The following IKZF2 variants were observed in gnomAD, a reference collection of about 807,000 sequenced individuals.
IKZF2 encodes zinc finger protein Helios.
In IKZF2, 15 loss-of-function variants were observed where a neutral mutation model predicts 49.2. The observed-to-expected ratio is 0.30, with a 90% CI of 0.20 to 0.47. The LOEUF (loss-of-function observed/expected upper bound fraction) is 0.47, where lower values mean the gene tolerates loss of function less well. IKZF2 is among the 20% of genes least tolerant of loss of function. IKZF2 has a pLI of 1.00. For synonymous variants in IKZF2, 227 were observed against 221.4 expected (o/e 1.03, Z -0.23); for missense variants, 567 against 664.6 (o/e 0.85, Z 1.61).
intron 1 of IKZF2, 22 bp from the exon 2 acceptor site, chr2:213,150,269 A>G: frequency 2.0e-6 from 2 of 997,194 alleles, no homozygotes; most frequent in Non-Finnish European, 2.8e-6. Flanking sequence ...CGGAGGGAGA[A>G]AGAAAGAAGT....
Position 213,103,243 on chromosome 2 carries a change from A to C in IKZF2, c.139+44465T>G, listed in dbSNP as rs1041362355. 3.9e-5 allele frequency among the ~76,000 whole-genome samples: 6 copies of C among 152,166 alleles called. No homozygotes were observed. The South Asian group carries it at 6.2e-4, about 16-fold the overall frequency. On this transcript the variant is annotated intron_variant, in intron 4 of 8. Transcript: ENST00000434687. ...GGTAAACAATGATAAATTGTGATAA[A>C]TGATGATAGAGAGACCAACAGACAT... is the stretch of plus-strand genomic sequence containing the variant.
intron 4 of IKZF2, among the ~76,000 whole-genome samples, chr2:213,115,765 A>T (rs1574899022): frequency 6.6e-6 from 1 of 152,268 alleles, no homozygotes; most frequent in South Asian, 2.1e-4. Flanking sequence ...CAAAACCAAA[A>T]GACAATGGAA....
At chr2:213,008,933 CT>C (rs1160305666) in intron 8 of IKZF2, among the ~76,000 whole-genome samples, 7 of 152,042 alleles carry the variant, frequency 4.6e-5, no homozygotes, top group African/African-American at 1.4e-4. Context: ...TATTAAAATA[CT>C]TTTAAAAGTA....
chr2:213,040,747 T>C (rs1466037436), intron 6 of IKZF2, among the ~76,000 whole-genome samples: 1 of 152,194 alleles, frequency 6.6e-6, no homozygotes, highest in Non-Finnish European at 1.5e-5. Context: ...AGAACTATAA[T>C]CACCTATAAA....
At chr2:213,148,807 G>A (rs1047092097) in intron 2 of IKZF2, among the ~76,000 whole-genome samples, 163 bp from the exon 3 acceptor site, 4 of 152,168 alleles carry the variant, frequency 2.6e-5, no homozygotes, top group Admixed American at 2.6e-4. Context: ...GCAAGTCACT[G>A]AACTCTTTCT....
chr2:213,013,886 T>A lies in IKZF2; in HGVS notation c.761A>T (p.Asn254Ile). 6.2e-7 allele frequency: 1 copy of A among 1,612,004 alleles called. No individual in the cohort carries two copies. Among genetic ancestry groups the A allele is most frequent in the Non-Finnish European group, 8.5e-7 (1 of 1,178,434 alleles). ...CKEQEPIMDN[N>I]ISLVPFERPA... ...TCTCTCAAAAGGCACCAGAGAAATA[T>A]TGTTGTCCATAATAGGCTCTTGTTC... Residue 254 changes from asparagine (N) to isoleucine (I), a missense_variant, in exon 8 of 9, where the codon AAT becomes ATT. By Grantham distance (149) the Asn-to-Ile change is moderately radical. Around this residue, in one of 5 missense-constraint regions of IKZF2, gnomAD observed 310 missense variants for 326.9 expected, o/e 0.95. Coordinates refer to ENST00000434687, the MANE Select transcript of IKZF2 (RefSeq NM_001387220.1).
chr2:213,043,886 C>A (rs1393069988), intron 6 of IKZF2, among the ~76,000 whole-genome samples: 1 of 152,198 alleles, frequency 6.6e-6, no homozygotes, highest in African/African-American at 2.4e-5. Context: ...AGGTTGAGGA[C>A]CCCTGCTCTA....
intron 7 of IKZF2, among the ~76,000 whole-genome samples, chr2:213,016,294 T>G (rs572198745): frequency 6.6e-6 from 1 of 152,092 alleles, no homozygotes; most frequent in African/African-American, 2.4e-5. Flanking sequence ...TCCTCAGGGT[T>G]TACATCTAGT....
chr2:213,147,627 G>T, intron 4 of IKZF2, 81 bp downstream of exon 4: 1 of 956,406 alleles, frequency 1.0e-6, no homozygotes, highest in Non-Finnish European at 1.7e-6. Flanking sequence ...AATGTGAGAG[G>T]ACCCCACAGA....
At chr2:213,136,653 A>G (rs1477540170) in intron 4 of IKZF2, among the ~76,000 whole-genome samples, 1 of 152,066 alleles carries the variant, frequency 6.6e-6, no homozygotes, top group Non-Finnish European at 1.5e-5. Flanking sequence ...AGGATGGTTG[A>G]CTGAATTCAT....
intron 6 of IKZF2, among the ~76,000 whole-genome samples, chr2:213,042,896 A>C (rs749534439): frequency 3.3e-5 from 5 of 152,050 alleles, no homozygotes; most frequent in Non-Finnish European, 5.9e-5. Flanking sequence ...TTTTAAAGTA[A>C]AAACTTTTCA....
intron 4 of IKZF2, among the ~76,000 whole-genome samples, chr2:213,082,631 G>A (rs954988114): frequency 1.3e-5 from 2 of 152,188 alleles, no homozygotes; most frequent in Non-Finnish European, 2.9e-5. Flanking sequence ...ATTACTCAAG[G>A]CACTCAGTAT....
At chr2:213,074,220 T>A (rs1461990334) in intron 4 of IKZF2, among the ~76,000 whole-genome samples, 2 of 152,196 alleles carry the variant, frequency 1.3e-5, no homozygotes. Flanking sequence ...TAAAATCAAC[T>A]ATCACCTAAC....
chr2:213,056,095 G>C (rs1701126568), intron 5 of IKZF2, among the ~76,000 whole-genome samples: 1 of 151,934 alleles, frequency 6.6e-6, no homozygotes, highest in African/African-American at 2.4e-5. Flanking sequence ...AATTGGCAAA[G>C]GGTTTAAAAA....
chr2:213,080,429 CGAG>C (rs1553571400), intron 4 of IKZF2, among the ~76,000 whole-genome samples: 3 of 151,916 alleles, frequency 2.0e-5, no homozygotes, highest in African/African-American at 4.8e-5. Flanking sequence ...AAAGAGAAAA[CGAG>C]GAGAACAAAT....
chr2:213,047,205 C>T (rs1700229812), intron 6 of IKZF2, among the ~76,000 whole-genome samples: 1 of 152,148 alleles, frequency 6.6e-6, no homozygotes, highest in Non-Finnish European at 1.5e-5. Context: ...ATACTGCCTT[C>T]AACCAGGAAA....
intron 6 of IKZF2, among the ~76,000 whole-genome samples, chr2:213,028,023 T>TA (rs1698002605): frequency 6.6e-6 from 1 of 152,162 alleles, no homozygotes; most frequent in Non-Finnish European, 1.5e-5. Context: ...TCGATTCACA[T>TA]AATTACTATA....
chr2:213,151,959 C>CCGCGA (rs999961493), upstream of IKZF2, among the ~76,000 whole-genome samples: 1 of 151,670 alleles, frequency 6.6e-6, no homozygotes, highest in African/African-American at 2.4e-5. Flanking sequence ...CCCGGAGGCT[C>CCGCGA]CGCGACGCGC....
chr2:213,061,131 CAGAT>C (rs1701639721), intron 4 of IKZF2, among the ~76,000 whole-genome samples: 1 of 151,534 alleles, frequency 6.6e-6, no homozygotes, highest in Admixed American at 6.6e-5. Context: ...GACACTTGCA[CAGAT>C]ACTCTTTTTT....
Sources: gnomAD v4.1 joint callset for allele counts (sites outside exome capture counted in the v4.1 genomes callset) on GRCh38, gnomAD v4.1.1 for gene constraint, gnomAD v4.1.1 regional missense constraint, MANE v1.5 for transcripts, NCBI Gene and HGNC (gene_info 2026-07-23, HGNC 2026-07-21) for gene names.